NRG1: variants seen among roughly 807,000 people sequenced by gnomAD.
NRG1 encodes pro-neuregulin-1, membrane-bound isoform.
NRG1 carries 18 observed loss-of-function variants against 63.8 expected under a neutral mutation model. The observed-to-expected ratio is 0.28, with a 90% confidence interval of 0.19 to 0.42. NRG1 has a LOEUF of 0.42. Among genes scored for constraint, NRG1 ranks in the 10% least tolerant of loss-of-function variants. The pLI, the probability that NRG1 is intolerant of heterozygous loss-of-function variation, is 1.00. For synonymous variants in NRG1, 302 were observed against 301.3 expected, an observed-to-expected ratio of 1.00 and a Z score of -0.02; for missense variants, 762 against 814.7, an observed-to-expected ratio of 0.94 and a Z score of 0.79.
At chr8:32,412,208 G>A (rs1029850867) in intron 1 of NRG1, among the ~76,000 whole-genome samples, 3 of 151,774 alleles carry the variant, frequency 2.0e-5, no homozygotes, top group African/African-American at 7.3e-5. Context: ...AGCTCTTCTT[G>A]AGTCTTGAGG....
intron 1 of NRG1, among the ~76,000 whole-genome samples, chr8:32,365,365 G>T (rs1807820480): frequency 6.6e-6 from 1 of 151,360 alleles, no homozygotes. Flanking sequence ...TCTTTATTTG[G>T]CTTTTTTTTG....
At chr8:31,947,322 A>G (rs1802733744) in intron 1 of NRG1, among the ~76,000 whole-genome samples, 1 of 81,016 alleles carries the variant, frequency 1.2e-5, no homozygotes, top group Non-Finnish European at 3.1e-5. Flanking sequence ...AAAAAAAAAA[A>G]AAAAAAAAAA....
At chr8:32,664,020 T>C (rs902341627) in intron 5 of NRG1, among the ~76,000 whole-genome samples, 3 of 152,226 alleles carry the variant, frequency 2.0e-5, no homozygotes, top group Non-Finnish European at 4.4e-5. Flanking sequence ...ACATCCATCC[T>C]ACCACATAGG....
chr8:32,754,749 A>G (rs1829372498), intron 8 of NRG1, among the ~76,000 whole-genome samples: 1 of 152,132 alleles, frequency 6.6e-6, no homozygotes, highest in South Asian at 2.1e-4. Flanking sequence ...TATGGAAGGT[A>G]TGTGTGTGGG....
chr8:32,004,142 ATGAT>A (rs1813371412), intron 1 of NRG1, among the ~76,000 whole-genome samples: 1 of 151,968 alleles, frequency 6.6e-6, no homozygotes, highest in Non-Finnish European at 1.5e-5. Context: ...AAAAGGCTGT[ATGAT>A]TGCAGCCCCA....
At chr8:32,722,662 T>C (rs1393637666) in intron 5 of NRG1, among the ~76,000 whole-genome samples, 1 of 152,184 alleles carries the variant, frequency 6.6e-6, no homozygotes, top group Non-Finnish European at 1.5e-5. Flanking sequence ...TTTTATACTT[T>C]AAAAAATTGT....
intron 6 of NRG1, among the ~76,000 whole-genome samples, chr8:32,730,947 G>C (rs1031192198): frequency 6.6e-6 from 1 of 152,012 alleles, no homozygotes; most frequent in African/African-American, 2.4e-5. Context: ...TATTATCTAT[G>C]TCTCATATTT....
intron 1 of NRG1, among the ~76,000 whole-genome samples, chr8:31,807,018 A>G (rs1822350677): frequency 6.6e-6 from 1 of 152,230 alleles, no homozygotes; most frequent in African/African-American, 2.4e-5. Context: ...TCCAAGGAAA[A>G]CTACCATGAT....
intron 1 of NRG1, among the ~76,000 whole-genome samples, chr8:32,135,420 G>A (rs1225563100): frequency 6.6e-6 from 1 of 152,034 alleles, no homozygotes; most frequent in East Asian, 1.9e-4. Flanking sequence ...GGGTAGTGGT[G>A]GTAGTGAAGA....
exon 12 of NRG1, chr8:32,764,294 C>T: frequency 1.2e-6 from 2 of 1,614,088 alleles, no homozygotes; most frequent in Non-Finnish European, 1.7e-6. Context: ...CACCTGCCTT[C>T]CGCCTGGCTG....
intron 1 of NRG1, among the ~76,000 whole-genome samples, chr8:31,859,747 T>C (rs1160092073): frequency 6.6e-6 from 1 of 152,256 alleles, no homozygotes; most frequent in African/African-American, 2.4e-5. Flanking sequence ...CTTTGAGTTC[T>C]TGTTCTATCT....
chr8:31,648,028 T>C (rs2130863063), intron 1 of NRG1, among the ~76,000 whole-genome samples: 1 of 151,744 alleles, frequency 6.6e-6, no homozygotes, highest in Admixed American at 6.6e-5. Context: ...CTTCCCAAAG[T>C]GGAAACTCTG....
chr8:32,587,355 A>G (rs948659753), intron 1 of NRG1, among the ~76,000 whole-genome samples: 1 of 152,224 alleles, frequency 6.6e-6, no homozygotes, highest in Non-Finnish European at 1.5e-5. Context: ...CGGCTGAGGC[A>G]GGGTCCAGTT....
At chr8:32,119,140 G>C (rs535343745) in intron 1 of NRG1, among the ~76,000 whole-genome samples, 2 of 152,066 alleles carry the variant, frequency 1.3e-5, no homozygotes, top group Admixed American at 1.3e-4. Context: ...AACATAGAAG[G>C]TTCTATTATT....
chr8:32,305,354 A>G (rs948768359), intron 1 of NRG1, among the ~76,000 whole-genome samples: 3 of 152,226 alleles, frequency 2.0e-5, no homozygotes, highest in African/African-American at 7.2e-5. Context: ...TAATTCTAGC[A>G]TAGCATAGAA....
At chr8:32,091,560 G>A (rs1283854329) in intron 1 of NRG1, among the ~76,000 whole-genome samples, 1 of 152,176 alleles carries the variant, frequency 6.6e-6, no homozygotes, top group Non-Finnish European at 1.5e-5. Flanking sequence ...CCACAGGCTG[G>A]TATGCCAGGC....
At chr8:31,675,513 G>T (rs1807599306) in intron 1 of NRG1, among the ~76,000 whole-genome samples, 1 of 152,136 alleles carries the variant, frequency 6.6e-6, no homozygotes. Flanking sequence ...TTTAGTTTTA[G>T]ATTTTCCCTA....
At chr8:32,327,432 C>T (rs141882073) in intron 1 of NRG1, among the ~76,000 whole-genome samples, 2,210 of 152,306 alleles carry the variant, frequency 0.015, 24 homozygotes, top group Non-Finnish European at 0.023. Flanking sequence ...GTTATAGTCT[C>T]TGCTCTTTTC....
chr8:31,765,013 A>G (rs1033051103), intron 1 of NRG1, among the ~76,000 whole-genome samples: 2 of 150,982 alleles, frequency 1.3e-5, no homozygotes, highest in Non-Finnish European at 2.9e-5. Context: ...GATTTATTTC[A>G]TCAGTGTTTT....
Sources: gnomAD v4.1 joint callset for allele counts (sites outside exome capture counted in the v4.1 genomes callset) on GRCh38, gnomAD v4.1.1 for gene constraint, MANE v1.5 for transcripts, NCBI Gene and HGNC (gene_info 2026-07-23, HGNC 2026-07-21) for gene names.